Variants in CHAF1A observed in about 807,000 individuals in gnomAD.
The protein encoded by CHAF1A is CAF-1 subunit A.
CHAF1A carries 5 observed loss-of-function variants against 93.2 expected under a neutral mutation model. The observed-to-expected ratio is 0.05, with a 90% CI of 0.03 to 0.11. The LOEUF (loss-of-function observed/expected upper bound fraction) is 0.11, where lower values mean the gene tolerates loss of function less well. Ranked by LOEUF, CHAF1A falls within the 10% of genes least tolerant of loss-of-function variation. CHAF1A has a pLI of 1.00. For missense variants in CHAF1A, 1,102 were observed against 1,259.9 expected (o/e 0.87, Z 1.90); for synonymous variants, 504 against 510.3 (o/e 0.99, Z 0.17).
chr19:4,414,816 A>G (rs1430787060), intron 3 of CHAF1A, among the ~76,000 whole-genome samples: 2 of 152,144 alleles, frequency 1.3e-5, no homozygotes, highest in African/African-American at 2.4e-5. Flanking sequence ...GCTCAAGGCA[A>G]TGCGTGCGTT....
At chr19:4,432,367 T>C (rs772684814) in intron 12 of CHAF1A, among the ~76,000 whole-genome samples, 160 bp downstream of exon 12, 4 of 152,164 alleles carry the variant, frequency 2.6e-5, no homozygotes, top group Non-Finnish European at 5.9e-5. Context: ...CGTTCAATGA[T>C]GTCCCTAGCA....
chr19:4,422,073 C>T lies in CHAF1A; in HGVS notation c.1018-493C>T, dbSNP rs1973999782. Among the ~76,000 whole-genome samples the T allele has an allele frequency of 1.3e-5, 2 of 151,654 alleles. No homozygotes were observed. Among genetic ancestry groups the T allele is most frequent in the African/African-American group, 4.8e-5 (2 of 41,288 alleles). Reference sequence around the variant, plus strand: ...CACTGATGCTGGAGTGCAGTGGCACCGTGTTGGCTCACTGCAACCTCCGTC... The same window carrying T: ...CACTGATGCTGGAGTGCAGTGGCACTGTGTTGGCTCACTGCAACCTCCGTC... On this transcript the variant is annotated intron_variant, in intron 4 of 14. Transcript: ENST00000301280. This position sits in a 1 kb window ranked among gnomAD's most constrained non-coding sequence, Gnocchi z 4.6.
chr19:4,409,722 G>A lies in CHAF1A; in HGVS notation c.923G>A (p.Ser308Asn). Residue 308 changes from serine to asparagine, a missense_variant, in exon 3 of 15, where the codon AGT becomes AAT. Transcript: ENST00000301280. ...CCTGCTCCCCCAAAGCAGCACAGCAGTACCAGTCCCTTCCCCACCTCCACG... is the reference window on the plus strand; with the variant it reads ...CCTGCTCCCCCAAAGCAGCACAGCAATACCAGTCCCTTCCCCACCTCCACG... ...GPPAPPKQHSSTSPFPTSTPL... is the reference protein window; with the variant it reads ...GPPAPPKQHSNTSPFPTSTPL... 6.2e-7 allele frequency: 1 copy of A among 1,613,882 alleles called. No homozygotes were observed. The highest frequency in any genetic ancestry group is 8.5e-7 in the Non-Finnish European group (1 of 1,179,874).
At chr19:4,410,386 C>CTT (rs71166992) in intron 3 of CHAF1A, among the ~76,000 whole-genome samples, 67,728 of 137,318 alleles carry the variant, frequency 0.49, 17,245 homozygotes, top group Admixed American at 0.67. Context: ...AAAAAAATTA[C>CTT]TTTTTTTTTT....
Position 4,422,805 on chromosome 19 carries a change from C to T in CHAF1A, c.1247+10C>T, listed in dbSNP as rs755925205. On this transcript the variant is annotated intron_variant, in intron 5 of 14. Coordinates refer to ENST00000301280, the MANE Select transcript of CHAF1A (RefSeq NM_005483.3). The surrounding 1 kb of genome is among the most constrained non-coding windows in gnomAD (Gnocchi z 4.6). Reference sequence around the variant, plus strand: ...GACAGGAAGCCCTGGAGTGAGTGTCCTTGGAGGCCATGCTGGGCCCGCCAC... The same window carrying T: ...GACAGGAAGCCCTGGAGTGAGTGTCTTTGGAGGCCATGCTGGGCCCGCCAC... 3.1e-6 allele frequency: 5 copies of T among 1,610,440 alleles called. No individual in the cohort carries two copies.
Position 4,438,981 on chromosome 19 carries a change from C to CA in CHAF1A, c.2674-3255dup, listed in dbSNP as rs1003962747. Among the ~76,000 whole-genome samples the CA allele has an allele frequency of 1.7e-3, 251 of 148,404 alleles. 2 individuals carry two copies. Among genetic ancestry groups the CA allele is most frequent in the African/African-American group, 5.4e-3 (217 of 40,306 alleles). On this transcript the variant is annotated intron_variant, in intron 13 of 14. Transcript: ENST00000301280. ...TGGGCAACAGAGCGGGATTCTGTCT[C>CA]AAAAAAAAAGCATAGATGGCTGGGT... is the stretch of plus-strand genomic sequence containing the variant.
At chr19:4,419,305 C>T (rs765302983) in intron 4 of CHAF1A, among the ~76,000 whole-genome samples, 2 of 152,128 alleles carry the variant, frequency 1.3e-5, no homozygotes, top group Non-Finnish European at 2.9e-5. Flanking sequence ...ACAGGAGGGG[C>T]CTGGTGACCA....
Position 4,443,179 on chromosome 19 carries a change from T to C in CHAF1A, c.*154T>C. The C allele has an allele frequency of 1.5e-6, 1 of 661,282 alleles. No individual in the cohort carries two copies. Among genetic ancestry groups the C allele is most frequent in the Non-Finnish European group, 2.8e-6 (1 of 359,386 alleles). 41.0% of individuals were successfully genotyped at this position (661,282 alleles called of 1,614,324 possible). A position where few individuals can be genotyped will look rare whatever the true frequency, so the allele number is the denominator to read the frequency against. Reference sequence around the variant, plus strand: ...TATATAGGATGCTGGATTAGTTCCTTTGATATTTGTAAAAATTCCCCCAAG... The same window carrying C: ...TATATAGGATGCTGGATTAGTTCCTCTGATATTTGTAAAAATTCCCCCAAG... On this transcript the variant is annotated 3_prime_UTR_variant, in exon 15 of 15. Transcript: ENST00000301280.
intron 7 of CHAF1A, among the ~76,000 whole-genome samples, chr19:4,427,899 T>C (rs572129714): frequency 7.9e-5 from 12 of 152,036 alleles, no homozygotes; most frequent in African/African-American, 2.9e-4. Flanking sequence ...AATTTTTGTA[T>C]TTTTAGTAGA....
chr19:4,411,179 C>A (rs748990598), intron 3 of CHAF1A, among the ~76,000 whole-genome samples: 2 of 152,072 alleles, frequency 1.3e-5, no homozygotes, highest in Non-Finnish European at 2.9e-5. Context: ...ACCACCTGGA[C>A]CATAAACCAC....
chr19:4,445,881 C>A, downstream of CHAF1A: 5 of 1,195,818 alleles, frequency 4.2e-6, no homozygotes, highest in Non-Finnish European at 5.7e-6. Context: ...TATGAACTTG[C>A]TCGAGGCCCT....
rs1222549982 is a variant in CHAF1A at position 4,428,802 on chromosome 19, T to C, written c.1516T>C (p.Phe506Leu). ...GCTCCTCCAGCAGCAGAGCGGCGAG[T>C]TCTCCTTCTTGAAAGACCTCAAAGG... ...DQLLQQQSGEFSFLKDLKGRQ... is the reference protein window; with the variant it reads ...DQLLQQQSGELSFLKDLKGRQ... The change falls in exon 8 of 15, where the codon TTC becomes CTC. Residue 506 changes from phenylalanine (F) to leucine (L), a missense_variant. By Grantham distance (22) the Phe-to-Leu change is conservative. Coordinates refer to ENST00000301280, the MANE Select transcript of CHAF1A (RefSeq NM_005483.3). 1 of 1,613,872 alleles carries C rather than the reference T, an allele frequency of 6.2e-7. No homozygotes were observed. Among genetic ancestry groups the C allele is most frequent in the Non-Finnish European group, 8.5e-7 (1 of 1,179,992 alleles).
chr19:4,411,191 A>G (rs991522506), intron 3 of CHAF1A, among the ~76,000 whole-genome samples: 7 of 152,022 alleles, frequency 4.6e-5, no homozygotes, highest in African/African-American at 1.4e-4. Context: ...ATAAACCACC[A>G]ACCTTGTTCG....
At position 4,414,412 on chromosome 19, in the gene CHAF1A, C is replaced by A. The variant is rs12979042; in HGVS notation, c.961-3608C>A. 3.2e-3 allele frequency among the ~76,000 whole-genome samples: 442 copies of A among 140,282 alleles called. 2 individuals are homozygous for A. Among genetic ancestry groups the A allele is most frequent in the East Asian group, 0.026 (117 of 4,538 alleles). The allele number at this position is 140,282 out of a possible 152,430, so 92.0% of individuals were successfully genotyped here. ...AGACCGTCTCAAAAAAAAAAAAAAA[C>A]AAAAAGGAAAAAGAATGGAAACCTT... is the stretch of plus-strand genomic sequence containing the variant. On this transcript the variant is annotated intron_variant, in intron 3 of 14. Coordinates refer to ENST00000301280, the MANE Select transcript of CHAF1A (RefSeq NM_005483.3).
rs66491258 is a variant in CHAF1A, at chr19:4,411,644, C to CTTTTTTTTTTTTTTTTTTTTTTTTTTT, written c.960+1906_960+1907insTTTTTTTTTTTTTTTTTTTTTTTTTTT. ...GAAATGTTGTAAAAATGGTGCAAAT[C>CTTTTTTTTTTTTTTTTTTTTTTTTTTT]TTTTTTTTTTTTTTTTTTTTTGAGA... On this transcript the variant is annotated intron_variant, in intron 3 of 14. Coordinates refer to ENST00000301280, the MANE Select transcript of CHAF1A (RefSeq NM_005483.3). 3.7e-3 allele frequency among the ~76,000 whole-genome samples: 178 copies of CTTTTTTTTTTTTTTTTTTTTTTTTTTT among 48,188 alleles called. 67 individuals are homozygous for CTTTTTTTTTTTTTTTTTTTTTTTTTTT. Among genetic ancestry groups the CTTTTTTTTTTTTTTTTTTTTTTTTTTT allele is most frequent in the Middle Eastern group, 0.016 (1 of 62 alleles). The allele number at this position is 48,188 out of a possible 152,430, so 31.6% of individuals were successfully genotyped here.
chr19:4,432,261 AG>A, intron 12 of CHAF1A, 54 bp downstream of exon 12: 1 of 1,532,580 alleles, frequency 6.5e-7, no homozygotes, highest in Non-Finnish European at 8.8e-7. Context: ...AGCTAATTCC[AG>A]GGCTGAGGGC....
downstream of CHAF1A, chr19:4,446,358 C>T (rs765041268): frequency 6.4e-7 from 1 of 1,572,552 alleles, no homozygotes; most frequent in Middle Eastern, 1.7e-4. Flanking sequence ...CGCTGCTCCT[C>T]CTTCTCCCGC....
At chr19:4,408,461 C>CTGTTTTT (rs1776956822) in intron 2 of CHAF1A, among the ~76,000 whole-genome samples, 1 of 36,012 alleles carries the variant, frequency 2.8e-5, no homozygotes, top group Non-Finnish European at 4.3e-5. Flanking sequence ...CGCACCCGGC[C>CTGTTTTT]TTTTTTTTTT....
At chr19:4,441,052 TCA>T (rs1974378545) in intron 13 of CHAF1A, among the ~76,000 whole-genome samples, 1 of 149,544 alleles carries the variant, frequency 6.7e-6, no homozygotes, top group Non-Finnish European at 1.5e-5. Context: ...GGGCAGTGGC[TCA>T]CGCCTGTAAT....
Sources: gnomAD v4.1 joint callset for allele counts (sites outside exome capture counted in the v4.1 genomes callset) on GRCh38, gnomAD v4.1.1 for gene constraint, Gnocchi (gnomAD v3.1) non-coding constraint, MANE v1.5 for transcripts, NCBI Gene and HGNC (gene_info 2026-07-23, HGNC 2026-07-21) for gene names.